NCAPG2: variants seen among roughly 807,000 people sequenced by gnomAD.
The protein encoded by NCAPG2 is non-SMC condensin II complex subunit G2.
In NCAPG2, 53 loss-of-function variants were observed where a neutral mutation model predicts 141.1. The ratio of observed to expected loss-of-function variants is 0.38; its 90% CI spans 0.30 to 0.47. The LOEUF (loss-of-function observed/expected upper bound fraction) is 0.47, where lower values mean the gene tolerates loss of function less well. NCAPG2 is among the 20% of genes least tolerant of loss of function. NCAPG2 has a pLI of 0.99. For synonymous variants in NCAPG2, 499 were observed against 490.7 expected (o/e 1.02, Z -0.22); for missense variants, 1,087 against 1,389.0 (o/e 0.78, Z 3.46).
chr7:158,637,014 C>G (rs2129455844), intron 27 of NCAPG2, among the ~76,000 whole-genome samples: 1 of 150,990 alleles, frequency 6.6e-6, no homozygotes, highest in Middle Eastern at 3.4e-3. Flanking sequence ...GTGGTGTGAT[C>G]TTGGCTCACT....
intron 19 of NCAPG2, 76 bp from the exon 20 acceptor site, chr7:158,655,531 G>GA (rs1831848639): frequency 2.4e-6 from 3 of 1,241,752 alleles, no homozygotes; most frequent in Admixed American, 1.8e-5. Flanking sequence ...AGAACAATGG[G>GA]AAGCACCTGA....
chr7:158,660,709 C>G (rs964334930), intron 16 of NCAPG2, among the ~76,000 whole-genome samples: 1 of 152,146 alleles, frequency 6.6e-6, no homozygotes, highest in African/African-American at 2.4e-5. Context: ...AACCACCATG[C>G]CCAGCTAATG....
intron 24 of NCAPG2, among the ~76,000 whole-genome samples, chr7:158,650,213 T>C (rs1831382326): frequency 6.6e-6 from 1 of 152,144 alleles, no homozygotes; most frequent in South Asian, 2.1e-4. Flanking sequence ...GCCCAGCTAA[T>C]TTTTTGTATC....
At chr7:158,653,389 A>T (rs1831644807) in intron 22 of NCAPG2, among the ~76,000 whole-genome samples, 2 of 148,720 alleles carry the variant, frequency 1.3e-5, no homozygotes, top group African/African-American at 4.9e-5. Context: ...AAAAAAAAAA[A>T]TAATAATAAT....
intron 13 of NCAPG2, among the ~76,000 whole-genome samples, chr7:158,669,646 G>A (rs1253904202): frequency 6.6e-6 from 1 of 151,780 alleles, no homozygotes; most frequent in African/African-American, 2.4e-5. Context: ...GCACGTGCCT[G>A]TAGTCCCAGC....
chr7:158,698,052 A>AC (rs1284495155), intron 2 of NCAPG2, among the ~76,000 whole-genome samples: 6 of 152,096 alleles, frequency 3.9e-5, no homozygotes, highest in Admixed American at 1.3e-4. Context: ...TGTACAATAA[A>AC]CCCCCATGAG....
At chr7:158,678,901 G>A (rs1297241592) in intron 11 of NCAPG2, among the ~76,000 whole-genome samples, 2 of 151,582 alleles carry the variant, frequency 1.3e-5, no homozygotes, top group African/African-American at 2.4e-5. Context: ...CCCAGGCTGG[G>A]GTGCAGTTGT....
intron 27 of NCAPG2, among the ~76,000 whole-genome samples, chr7:158,637,764 T>C (rs1034489840): frequency 6.6e-6 from 1 of 152,144 alleles, no homozygotes; most frequent in African/African-American, 2.4e-5. Flanking sequence ...TTGGAGGTGT[T>C]CTCTTCATCT....
intron 6 of NCAPG2, among the ~76,000 whole-genome samples, chr7:158,688,668 T>A (rs1009804659): frequency 1.3e-5 from 2 of 152,190 alleles, no homozygotes; most frequent in African/African-American, 4.8e-5. Flanking sequence ...CTAACAACAA[T>A]CCTGTGAAAC....
intron 16 of NCAPG2, among the ~76,000 whole-genome samples, chr7:158,661,637 C>T (rs934085294): frequency 2.6e-5 from 4 of 152,174 alleles, no homozygotes; most frequent in African/African-American, 4.8e-5. Context: ...GTATGTGAGG[C>T]TCGATTTGGC....
At chr7:158,681,905 C>A (rs1418114588) in intron 9 of NCAPG2, among the ~76,000 whole-genome samples, 1 of 152,042 alleles carries the variant, frequency 6.6e-6, no homozygotes, top group East Asian at 1.9e-4. Context: ...TGAAGCACTG[C>A]CTGAAACCTC....
At chr7:158,680,551 C>T (rs1425042945) in intron 10 of NCAPG2, among the ~76,000 whole-genome samples, 170 bp downstream of exon 10, 1 of 152,100 alleles carries the variant, frequency 6.6e-6, no homozygotes, top group African/African-American at 2.4e-5. Flanking sequence ...TTAAATGAAA[C>T]CAAGAAATGC....
At chr7:158,673,955 G>A (rs1051552597) in intron 12 of NCAPG2, among the ~76,000 whole-genome samples, 1 of 152,242 alleles carries the variant, frequency 6.6e-6, no homozygotes, top group African/African-American at 2.4e-5. Context: ...ATTCACCTTG[G>A]CTAGAAATGC....
chr7:158,680,907 G>T, intron 9 of NCAPG2, 91 bp from the exon 10 acceptor site: 1 of 918,748 alleles, frequency 1.1e-6, no homozygotes, highest in Non-Finnish European at 1.6e-6. Flanking sequence ...AGGGAGAATT[G>T]TTCTCTCCAC....
chr7:158,670,498 A>G (rs1833617346), intron 13 of NCAPG2, among the ~76,000 whole-genome samples: 1 of 152,108 alleles, frequency 6.6e-6, no homozygotes, highest in Non-Finnish European at 1.5e-5. Context: ...GTTGCAGTGA[A>G]CCAAGATCAC....
In NCAPG2 at chr7:158,680,022, C is replaced by T; in HGVS notation, c.1084G>A (p.Asp362Asn). Reference sequence around the variant, plus strand: ...ATTTCAATAGCATGAAGGTTTGGATCCCTAATAGGAAATGCTTCAACAAAC... The same window carrying T: ...ATTTCAATAGCATGAAGGTTTGGATTCCTAATAGGAAATGCTTCAACAAAC... ...LLFVEAFPIR[D>N]PNLHAIEMDS... is the part of the protein sequence containing the mutation. Residue 362 changes from aspartate to asparagine, a missense_variant, in exon 11 of 28, where the codon GAT (aspartate) becomes AAT (asparagine). Transcript: ENST00000356309. 6.2e-7 allele frequency: 1 copy of T among 1,614,054 alleles called. No homozygotes were observed. Among genetic ancestry groups the T allele is most frequent in the South Asian group, 1.1e-5 (1 of 91,084 alleles).
Position 158,693,317 on chromosome 7 carries a change from A to G in NCAPG2, c.259T>C (p.Ser87Pro). Residue 87 changes from serine (S) to proline (P), a missense_variant, in exon 3 of 28, where the codon TCA becomes CCA. Coordinates refer to ENST00000356309, the MANE Select transcript of NCAPG2 (RefSeq NM_017760.7). ...GEDNMETEHG[S>P]KMRKSIEIIY... The stretch of plus-strand genomic sequence containing the variant: ...TGAAAAACAAATACTACCATTTTTG[A>G]GCCATGTTCGGTTTCCATATTGTCT... 6.3e-7 allele frequency: 1 copy of G among 1,599,222 alleles called. No individual in the cohort carries two copies. The highest frequency in any genetic ancestry group is 8.5e-7 in the Non-Finnish European group (1 of 1,176,838).
In NCAPG2 at chr7:158,671,573, T is replaced by A; in HGVS notation, c.1420A>T (p.Lys474Ter). The A allele has an allele frequency of 6.2e-7, 1 of 1,614,212 alleles. No individual in the cohort carries two copies. Among genetic ancestry groups the A allele is most frequent in the Non-Finnish European group, 8.5e-7 (1 of 1,180,036 alleles). ...ATGTCCACAAAAGCTACCCTCACTT[T>A]CTCCGAATTGTCGTGGAGACTGTAT... ...LRYSLHDNSE[K>*]VRVAFVDMLL... Residue 474 changes from lysine to a stop codon, truncating the protein, a stop_gained, in exon 13 of 28, where the codon AAA (lysine) becomes TAA (stop). Coordinates refer to ENST00000356309, the MANE Select transcript of NCAPG2 (RefSeq NM_017760.7). LOFTEE classifies it high-confidence loss of function.
intron 13 of NCAPG2, among the ~76,000 whole-genome samples, chr7:158,667,839 TC>T (rs754427521): frequency 4.0e-4 from 2 of 4,986 alleles, no homozygotes; most frequent in Non-Finnish European, 9.2e-4. Context: ...CCCTCCGCCC[TC>T]CCTTACCCAC....
Sources: allele counts gnomAD v4.1 joint callset (sites outside exome capture counted in the v4.1 genomes callset), GRCh38; gene constraint gnomAD v4.1.1; transcripts MANE v1.5; gene names NCBI Gene and HGNC (gene_info 2026-07-23, HGNC 2026-07-21).